BCKDHB: variants seen among roughly 807,000 people sequenced by gnomAD.
BCKDHB encodes the protein branched chain keto acid dehydrogenase E1 subunit beta.
A neutral mutation model predicts 48.5 loss-of-function variants in BCKDHB; 41 were observed. The ratio of observed to expected loss-of-function variants is 0.85; its 90% CI spans 0.66 to 1.10. The LOEUF is 1.10. BCKDHB is among the 50% of genes least tolerant of loss of function. The pLI is 0.00. For missense variants in BCKDHB, 496 were observed against 494.2 expected, an observed-to-expected ratio of 1.00 and a Z score of -0.03; for synonymous variants, 201 against 174.8, an observed-to-expected ratio of 1.15 and a Z score of -1.18.
the BCKDHB span, among the ~76,000 whole-genome samples, chr6:80,397,455 C>A: frequency 6.6e-6 from 1 of 152,098 alleles, no homozygotes; most frequent in Non-Finnish European, 1.5e-5. Flanking sequence ...ACAGAGATAT[C>A]AAGAGAAAGC....
intron 6 of BCKDHB, among the ~76,000 whole-genome samples, chr6:80,182,267 G>A (rs929351362): frequency 8.5e-5 from 13 of 152,178 alleles, no homozygotes; most frequent in African/African-American, 3.1e-4. Flanking sequence ...TCAACTGACA[G>A]TGCAATTGCC....
chr6:80,260,682 G>A (rs571508312), intron 8 of BCKDHB, among the ~76,000 whole-genome samples: 2 of 152,252 alleles, frequency 1.3e-5, no homozygotes, highest in East Asian at 3.9e-4. Context: ...AGAAACACGT[G>A]GTGAAGATAT....
intron 3 of BCKDHB, among the ~76,000 whole-genome samples, chr6:80,149,182 A>G (rs573777362): frequency 2.5e-4 from 38 of 152,318 alleles, no homozygotes; most frequent in Admixed American, 1.9e-3. Context: ...ACACTTCTCA[A>G]AAGAAGACAT....
At chr6:80,358,658 A>C in the BCKDHB span, among the ~76,000 whole-genome samples, 1 of 152,220 alleles carries the variant, frequency 6.6e-6, no homozygotes, top group African/African-American at 2.4e-5. Flanking sequence ...TTCATATGAA[A>C]TATCTAGAAT....
chr6:80,343,679 A>C lies in BCKDHB; in HGVS notation c.1054A>C (p.Asn352His), dbSNP rs1432851448. ...SSTVQEECFL[N>H]LEAPISRVCG... Reference sequence around the variant, plus strand: ...CTGTCTGCAGGAGGAATGTTTCTTGAACCTAGAGGCTCCTATATCAAGAGT... The same window carrying C: ...CTGTCTGCAGGAGGAATGTTTCTTGCACCTAGAGGCTCCTATATCAAGAGT... Residue 352 changes from asparagine to histidine, a missense_variant, in exon 10 of 10, where the codon AAC (asparagine) becomes CAC (histidine). Physicochemically the swap from Asn to His is moderately conservative, Grantham distance 68. Coordinates refer to ENST00000320393, the MANE Select transcript of BCKDHB (RefSeq NM_183050.4). The C allele has an allele frequency of 6.2e-7, 1 of 1,613,944 alleles. No homozygotes were observed. The highest frequency in any genetic ancestry group is 1.3e-5 in the African/African-American group (1 of 74,922).
the BCKDHB span, among the ~76,000 whole-genome samples, chr6:80,413,299 C>CT: frequency 8.5e-5 from 13 of 152,052 alleles, no homozygotes; most frequent in African/African-American, 2.9e-4. Context: ...CTCTCAACAT[C>CT]TTTTTTTAAA....
At chr6:80,251,950 T>A (rs748722496) in intron 8 of BCKDHB, among the ~76,000 whole-genome samples, 5 of 152,200 alleles carry the variant, frequency 3.3e-5, no homozygotes, top group Non-Finnish European at 7.3e-5. Flanking sequence ...ATGGAGAATA[T>A]GAGTTGACAC....
At chr6:80,403,868 G>A in the BCKDHB span, among the ~76,000 whole-genome samples, 51 of 151,914 alleles carry the variant, frequency 3.4e-4, no homozygotes, top group Non-Finnish European at 6.5e-4. Context: ...TGTTGTTGCA[G>A]TCTATGACAT....
intron 8 of BCKDHB, among the ~76,000 whole-genome samples, chr6:80,240,135 G>A (rs2127910229): frequency 6.6e-6 from 1 of 152,250 alleles, no homozygotes; most frequent in East Asian, 1.9e-4. Flanking sequence ...TTCCAATGCT[G>A]TGAAGAAAGT....
intron 9 of BCKDHB, among the ~76,000 whole-genome samples, chr6:80,296,643 T>A (rs1941061995): frequency 6.6e-6 from 1 of 152,160 alleles, no homozygotes; most frequent in African/African-American, 2.4e-5. Context: ...AAACCTTTTA[T>A]AACCCTTTAC....
the BCKDHB span, among the ~76,000 whole-genome samples, chr6:80,414,062 T>C: frequency 3.3e-5 from 5 of 152,164 alleles, no homozygotes; most frequent in Non-Finnish European, 5.9e-5. Flanking sequence ...GATGTTGAGT[T>C]TTTCTTCATA....
intron 9 of BCKDHB, among the ~76,000 whole-genome samples, chr6:80,290,181 G>C (rs898976773): frequency 6.0e-5 from 9 of 150,798 alleles, no homozygotes; most frequent in African/African-American, 2.2e-4. Flanking sequence ...CATTTTGGGA[G>C]TAAGTAGCCA....
rs1186492202 is a variant in BCKDHB, at chr6:80,346,001, T to G, written c.*2197T>G. 1 of 152,220 alleles carries G rather than the reference T, an allele frequency of 6.6e-6. No homozygotes were observed. Among genetic ancestry groups the G allele is most frequent in the African/African-American group, 2.4e-5 (1 of 41,464 alleles). The allele number at this position is 152,220 out of a possible 1,614,324, so 9.4% of individuals were successfully genotyped here. Reference sequence around the variant, plus strand: ...AAAGCTGGAAGATTATGACTAGATATGGAAATATTTTTTCTGAATTTTTTT... The same window carrying G: ...AAAGCTGGAAGATTATGACTAGATAGGGAAATATTTTTTCTGAATTTTTTT... On this transcript the variant is annotated 3_prime_UTR_variant, in exon 10 of 10. Transcript: ENST00000320393.
chr6:80,290,557 T>C (rs1305705910), intron 9 of BCKDHB, among the ~76,000 whole-genome samples: 1 of 152,172 alleles, frequency 6.6e-6, no homozygotes, highest in African/African-American at 2.4e-5. Flanking sequence ...CTAAGCACCA[T>C]CTAATGGATT....
At chr6:80,117,406 G>C (rs1374516414) in intron 1 of BCKDHB, among the ~76,000 whole-genome samples, 1 of 152,158 alleles carries the variant, frequency 6.6e-6, no homozygotes, top group Non-Finnish European at 1.5e-5. Flanking sequence ...ATGTCATTCA[G>C]TATTAATCTG....
the BCKDHB span, among the ~76,000 whole-genome samples, chr6:80,434,369 A>G: frequency 1.1e-3 from 170 of 151,592 alleles, 1 homozygote; most frequent in African/African-American, 4.0e-3. Context: ...TACTCTACAA[A>G]GTAGAGTATT....
intron 9 of BCKDHB, among the ~76,000 whole-genome samples, chr6:80,273,960 T>C (rs536533433): frequency 2.0e-5 from 3 of 152,180 alleles, no homozygotes; most frequent in African/African-American, 7.2e-5. Context: ...AAATGGAAGG[T>C]GCATGTCTTT....
chr6:80,121,075 A>C (rs1769989761), intron 1 of BCKDHB, among the ~76,000 whole-genome samples: 2 of 152,188 alleles, frequency 1.3e-5, no homozygotes, highest in African/African-American at 4.8e-5. Flanking sequence ...TCAGCTTTCT[A>C]CATATGGCTA....
chr6:80,273,174 G>T lies in BCKDHB; in HGVS notation c.991G>T (p.Ala331Ser), dbSNP rs1777825845. Reference protein sequence around the residue: ...KTGRLLISHEAPLTGGFASEI... With the variant: ...KTGRLLISHESPLTGGFASEI... ...AGGGCGACTGCTAATCAGTCACGAG[G>T]CTCCCTTGACAGGCGGCTTTGCATC... is the stretch of plus-strand genomic sequence containing the variant. Residue 331 changes from alanine to serine, a missense_variant, in exon 9 of 10, where the codon GCT becomes TCT. Transcript: ENST00000320393. The T allele has an allele frequency of 6.2e-7, 1 of 1,613,550 alleles. No individual in the cohort carries two copies. Among genetic ancestry groups the T allele is most frequent in the Non-Finnish European group, 8.5e-7 (1 of 1,179,674 alleles).
Sources: allele counts gnomAD v4.1 joint callset (sites outside exome capture counted in the v4.1 genomes callset), GRCh38; gene constraint gnomAD v4.1.1; transcripts MANE v1.5; gene names NCBI Gene and HGNC (gene_info 2026-07-23, HGNC 2026-07-21).